ARHGAP15: variants seen among roughly 807,000 people sequenced by gnomAD.
ARHGAP15 encodes rho GTPase-activating protein 15.
Under a neutral mutation model 63.7 loss-of-function variants are expected in ARHGAP15, and 51 were observed. The observed-to-expected ratio is 0.80, with a 90% CI of 0.64 to 1.01. The LOEUF is 1.01. Among genes scored for constraint, ARHGAP15 ranks in the 50% least tolerant of loss-of-function variants. The pLI, the probability that ARHGAP15 is intolerant of heterozygous loss-of-function variation, is 0.00. For synonymous variants in ARHGAP15, 191 were observed against 193.8 expected, an observed-to-expected ratio of 0.99 and a Z score of 0.12; for missense variants, 560 against 564.6, an observed-to-expected ratio of 0.99 and a Z score of 0.08.
chr2:143,389,296 G>C (rs1170702616), intron 6 of ARHGAP15, among the ~76,000 whole-genome samples: 1 of 152,002 alleles, frequency 6.6e-6, no homozygotes, highest in South Asian at 2.1e-4. Context: ...ATCCATCTCT[G>C]TAATACTTGA....
chr2:143,429,988 T>TTG (rs1182714307), intron 6 of ARHGAP15, among the ~76,000 whole-genome samples: 1 of 152,094 alleles, frequency 6.6e-6, no homozygotes, highest in East Asian at 1.9e-4. Context: ...AGAAAAGTGT[T>TTG]TGTGTGTGCC....
chr2:143,551,787 C>T (rs1695574761), intron 10 of ARHGAP15, among the ~76,000 whole-genome samples: 1 of 152,026 alleles, frequency 6.6e-6, no homozygotes, highest in Non-Finnish European at 1.5e-5. Context: ...CAGATAGGTA[C>T]AAAATCAACA....
chr2:143,228,455 G>T, intron 4 of ARHGAP15, 126 bp from the exon 5 acceptor site: 1 of 472,208 alleles, frequency 2.1e-6, no homozygotes, highest in East Asian at 3.4e-5. Context: ...ATAAAGAGGA[G>T]ACTTTTAGCA....
intron 8 of ARHGAP15, chr2:143,471,961 A>G (rs1691597865): frequency 6.6e-6 from 1 of 152,044 alleles, no homozygotes; most frequent in Admixed American, 6.5e-5. Flanking sequence ...CTTACCCCCA[A>G]CCGTACTCAC....
intron 6 of ARHGAP15, among the ~76,000 whole-genome samples, chr2:143,271,255 AAAG>A (rs1436626920): frequency 2.0e-5 from 3 of 152,240 alleles, no homozygotes; most frequent in Admixed American, 2.0e-4. Flanking sequence ...ACCCTTTAAA[AAAG>A]CAAATCTTCC....
At chr2:143,554,049 A>G (rs1695684622) in intron 10 of ARHGAP15, among the ~76,000 whole-genome samples, 1 of 152,172 alleles carries the variant, frequency 6.6e-6, no homozygotes, top group South Asian at 2.1e-4. Context: ...CTAATTAGCA[A>G]AACAAAATTT....
At chr2:143,383,823 T>A (rs1687157326) in intron 6 of ARHGAP15, among the ~76,000 whole-genome samples, 1 of 152,186 alleles carries the variant, frequency 6.6e-6, no homozygotes, top group South Asian at 2.1e-4. Flanking sequence ...TGTTACGCAG[T>A]GAAATACTAA....
intron 6 of ARHGAP15, among the ~76,000 whole-genome samples, chr2:143,374,954 A>G (rs1036211328): frequency 7.9e-5 from 12 of 152,232 alleles, no homozygotes; most frequent in Admixed American, 7.2e-4. Context: ...GGGAAAATAA[A>G]TGAATATATG....
chr2:143,315,498 A>G (rs1011606687), intron 6 of ARHGAP15, among the ~76,000 whole-genome samples: 2 of 152,194 alleles, frequency 1.3e-5, no homozygotes, highest in African/African-American at 4.8e-5. Flanking sequence ...TTTGAAAAAT[A>G]CAGATACCAG....
chr2:143,560,821 CT>C (rs1257894370), intron 11 of ARHGAP15, among the ~76,000 whole-genome samples: 1 of 152,204 alleles, frequency 6.6e-6, no homozygotes, highest in Non-Finnish European at 1.5e-5. Flanking sequence ...CTGTTGCAGC[CT>C]TTGGGAAAGG....
intron 6 of ARHGAP15, among the ~76,000 whole-genome samples, chr2:143,293,667 C>T (rs1365012647): frequency 6.6e-6 from 1 of 151,958 alleles, no homozygotes; most frequent in African/African-American, 2.4e-5. Context: ...TGATGAAAAG[C>T]AGAGACTAAA....
At chr2:143,757,533 T>TAC (rs1293820863) in intron 13 of ARHGAP15, among the ~76,000 whole-genome samples, 3 of 151,746 alleles carry the variant, frequency 2.0e-5, no homozygotes, top group Admixed American at 2.0e-4. Flanking sequence ...TATATATATA[T>TAC]ACACATACAT....
At chr2:143,618,084 A>G (rs1431254620) in intron 11 of ARHGAP15, among the ~76,000 whole-genome samples, 1 of 152,242 alleles carries the variant, frequency 6.6e-6, no homozygotes, top group Non-Finnish European at 1.5e-5. Flanking sequence ...CTTTTGGCAC[A>G]GGGTGACATC....
intron 12 of ARHGAP15, among the ~76,000 whole-genome samples, chr2:143,689,672 G>A (rs1234295201): frequency 6.6e-6 from 1 of 151,952 alleles, no homozygotes; most frequent in Admixed American, 6.6e-5. Context: ...TCCTGACATC[G>A]AATTTTCTCC....
At chr2:143,344,009 T>C (rs1387861851) in intron 6 of ARHGAP15, 2 of 152,146 alleles carry the variant, frequency 1.3e-5, no homozygotes, top group South Asian at 2.1e-4. Context: ...AATTTAAATA[T>C]CAGCACTCCC....
chr2:143,544,614 T>C (rs1043188072), intron 10 of ARHGAP15, among the ~76,000 whole-genome samples: 4 of 152,232 alleles, frequency 2.6e-5, no homozygotes, highest in Non-Finnish European at 4.4e-5. Flanking sequence ...GTTATGGCTC[T>C]ATAACATCTG....
chr2:143,528,597 ACT>A (rs1352143396), intron 10 of ARHGAP15, among the ~76,000 whole-genome samples: 1 of 152,054 alleles, frequency 6.6e-6, no homozygotes, highest in African/African-American at 2.4e-5. Flanking sequence ...AAAAAGTTAA[ACT>A]CTGCTGTTGC....
At chr2:143,313,127 TAAA>T (rs1384309477) in intron 6 of ARHGAP15, among the ~76,000 whole-genome samples, 1 of 151,796 alleles carries the variant, frequency 6.6e-6, no homozygotes, top group Admixed American at 6.6e-5. Context: ...TCAGGAGAGT[TAAA>T]AAAGAAAAAT....
intron 12 of ARHGAP15, among the ~76,000 whole-genome samples, chr2:143,692,457 A>T (rs775225733): frequency 6.6e-6 from 1 of 152,160 alleles, no homozygotes; most frequent in Non-Finnish European, 1.5e-5. Context: ...AAGGCAGCAA[A>T]GCCCCTCGCT....
Sources: gnomAD v4.1 joint callset for allele counts (sites outside exome capture counted in the v4.1 genomes callset) on GRCh38, gnomAD v4.1.1 for gene constraint, MANE v1.5 for transcripts, NCBI Gene and HGNC (gene_info 2026-07-23, HGNC 2026-07-21) for gene names.